The following UGT2B7 variants were observed in gnomAD, a reference collection of about 807,000 sequenced individuals.
The protein encoded by UGT2B7 is UDP-glucuronosyltransferase 2B7.
A neutral mutation model predicts 51.9 loss-of-function variants in UGT2B7; 51 were observed. That is an observed-to-expected ratio of 0.98 (90% confidence interval 0.78 to 1.24). UGT2B7 has a LOEUF of 1.24. Among genes scored for constraint, UGT2B7 ranks in the 50% most tolerant of loss-of-function variants. The pLI is 0.00. For synonymous variants in UGT2B7, 225 were observed against 211.6 expected, an observed-to-expected ratio of 1.06 and a Z score of -0.55; for missense variants, 727 against 628.4, an observed-to-expected ratio of 1.16 and a Z score of -1.68.
chr4:69,095,744 T>G (rs1719205894), upstream of UGT2B7, among the ~76,000 whole-genome samples: 1 of 152,186 alleles, frequency 6.6e-6, no homozygotes, highest in Non-Finnish European at 1.5e-5. Flanking sequence ...ATCTTGAAAC[T>G]CTCAATATCT....
intron 5 of UGT2B7, 57 bp downstream of exon 5, chr4:69,108,379 T>G: frequency 6.3e-7 from 1 of 1,581,112 alleles, no homozygotes; most frequent in South Asian, 1.1e-5. Context: ...CTCTTGTCAA[T>G]AGTGAGTGTG....
intron 1 of UGT2B7, among the ~76,000 whole-genome samples, chr4:69,075,221 T>A (rs1718677135): frequency 6.6e-6 from 1 of 152,162 alleles, no homozygotes; most frequent in African/African-American, 2.4e-5. Context: ...ACATTCTTAT[T>A]AAACCGTGGT....
upstream of UGT2B7, among the ~76,000 whole-genome samples, chr4:69,093,869 T>A (rs1431341465): frequency 6.6e-6 from 1 of 152,214 alleles, no homozygotes. Context: ...ATAGTCCCAA[T>A]GCGAGTGCCC....
chr4:69,087,464 C>G (rs1420595548), intron 1 of UGT2B7, among the ~76,000 whole-genome samples: 1 of 151,810 alleles, frequency 6.6e-6, no homozygotes, highest in Non-Finnish European at 1.5e-5. Context: ...ATATAAATGG[C>G]TTATATACCA....
At chr4:69,078,614 G>T (rs545167232) in intron 1 of UGT2B7, among the ~76,000 whole-genome samples, 2 of 152,252 alleles carry the variant, frequency 1.3e-5, no homozygotes, top group South Asian at 4.1e-4. Context: ...ATGACTGTGT[G>T]TATTTTGTTA....
At chr4:69,059,823 A>C (rs1013726206) in intron 1 of UGT2B7, among the ~76,000 whole-genome samples, 4 of 152,348 alleles carry the variant, frequency 2.6e-5, no homozygotes, top group Admixed American at 2.0e-4. Flanking sequence ...GTGTGTGGAA[A>C]ACTAGGCCAC....
intron 1 of UGT2B7, among the ~76,000 whole-genome samples, chr4:69,082,893 G>A (rs1020383039): frequency 6.6e-6 from 1 of 152,076 alleles, no homozygotes; most frequent in African/African-American, 2.4e-5. Context: ...TGGCTTTAGA[G>A]CATTAAAAGA....
intron 1 of UGT2B7, among the ~76,000 whole-genome samples, chr4:69,058,006 C>G (rs959035809): frequency 6.6e-6 from 1 of 152,110 alleles, no homozygotes; most frequent in Non-Finnish European, 1.5e-5. Context: ...CTGAATGCAG[C>G]CCTGTTTAGC....
At chr4:69,103,224 A>C in intron 3 of UGT2B7, among the ~76,000 whole-genome samples, 1 of 152,116 alleles carries the variant, frequency 6.6e-6, no homozygotes, top group African/African-American at 2.4e-5. Context: ...CTGTCCATAA[A>C]ATTTTGAATT....
upstream of UGT2B7, chr4:69,096,423 T>C: frequency 6.4e-7 from 1 of 1,572,334 alleles, no homozygotes; most frequent in Middle Eastern, 1.7e-4. Context: ...CTTATAAGGG[T>C]TACATTTTAA....
chr4:69,103,044 GT>G, intron 3 of UGT2B7, 106 bp downstream of exon 3: 1 of 1,514,760 alleles, frequency 6.6e-7, no homozygotes. Context: ...TTGACCAAAA[GT>G]TGAAAAATTA....
chr4:69,083,652 TG>T (rs1191126491), intron 1 of UGT2B7, among the ~76,000 whole-genome samples: 2 of 152,144 alleles, frequency 1.3e-5, no homozygotes, highest in Non-Finnish European at 2.9e-5. Context: ...ACTTTGTAAA[TG>T]TGATTTATTT....
At chr4:69,099,984 C>T (rs993462571) in intron 2 of UGT2B7, among the ~76,000 whole-genome samples, 7 of 151,964 alleles carry the variant, frequency 4.6e-5, no homozygotes, top group East Asian at 1.9e-4. Flanking sequence ...AGTATTGCAG[C>T]GTAAAACACT....
chr4:69,056,367 G>A (rs1479249444), intron 1 of UGT2B7, among the ~76,000 whole-genome samples: 1 of 152,172 alleles, frequency 6.6e-6, no homozygotes, highest in African/African-American at 2.4e-5. Context: ...GACTGTTCTT[G>A]CCCGTCAAGA....
At chr4:69,073,138 A>T (rs1453859969) in intron 1 of UGT2B7, among the ~76,000 whole-genome samples, 2 of 152,216 alleles carry the variant, frequency 1.3e-5, no homozygotes, top group Non-Finnish European at 2.9e-5. Flanking sequence ...ACTTGGTTAG[A>T]GGGAGTTTTG....
intron 1 of UGT2B7, among the ~76,000 whole-genome samples, chr4:69,064,078 A>AAGAAAG (rs1718425607): frequency 3.8e-5 from 4 of 106,102 alleles, no homozygotes; most frequent in African/African-American, 1.6e-4. Flanking sequence ...GAAAGAAAGA[A>AAGAAAG]AGAAAGAAAG....
intron 1 of UGT2B7, among the ~76,000 whole-genome samples, chr4:69,075,463 A>G (rs1239717778): frequency 2.0e-5 from 3 of 152,106 alleles, no homozygotes; most frequent in African/African-American, 7.2e-5. Context: ...TGTCACACAC[A>G]AAGTCCTGAC....
intron 1 of UGT2B7, among the ~76,000 whole-genome samples, chr4:69,064,048 GAAA>G (rs1718419503): frequency 1.1e-5 from 1 of 92,100 alleles, no homozygotes; most frequent in Non-Finnish European, 2.0e-5. Flanking sequence ...AAGAAAGAAA[GAAA>G]GAAAGAAAGA....
At chr4:69,109,834 G>GT (rs1218375023) in intron 5 of UGT2B7, among the ~76,000 whole-genome samples, 5 of 151,850 alleles carry the variant, frequency 3.3e-5, no homozygotes, top group East Asian at 1.9e-4. Context: ...TATCAATAAT[G>GT]TTTTTTTATA....
Sources: gnomAD v4.1 joint callset for allele counts (sites outside exome capture counted in the v4.1 genomes callset) on GRCh38, gnomAD v4.1.1 for gene constraint, MANE v1.5 for transcripts, NCBI Gene and HGNC (gene_info 2026-07-23, HGNC 2026-07-21) for gene names.